The following KRT72 variants were observed in gnomAD, a reference collection of about 807,000 sequenced individuals.
KRT72 encodes keratin, type II cytoskeletal 72.
KRT72 carries 44 observed loss-of-function variants against 44.7 expected under a neutral mutation model. The observed-to-expected ratio is 0.98, with a 90% CI of 0.77 to 1.27. KRT72 has a LOEUF of 1.27. Among genes scored for constraint, KRT72 ranks in the 50% most tolerant of loss-of-function variants. KRT72 has a pLI of 0.00. For synonymous variants in KRT72, 302 were observed against 280.4 expected (o/e 1.08, Z -0.77); for missense variants, 736 against 667.1 (o/e 1.10, Z -1.14).
Position 52,601,350 on chromosome 12 carries a change from G to A in KRT72, c.103C>T (p.Arg35Trp), listed in dbSNP as rs756104077. Reference protein sequence around the residue: ...GGIGSSSASFRARVKGSASFG... With the variant: ...GGIGSSSASFWARVKGSASFG... ...GAGGCCGAGCCCTTGACCCGGGCCC[G>A]GAATGAGGCGGAGCTGCTGCCGATC... is the stretch of plus-strand genomic sequence containing the variant. The change falls in exon 1 of 9, where the codon CGG (arginine) becomes TGG (tryptophan). Residue 35 changes from arginine to tryptophan, a missense_variant. Coordinates refer to ENST00000293745, the MANE Select transcript of KRT72 (RefSeq NM_080747.3). 8 of 1,544,162 alleles carry A rather than the reference G, an allele frequency of 5.2e-6. No homozygotes were observed. Among genetic ancestry groups the A allele is most frequent in the South Asian group, 2.4e-5 (2 of 84,062 alleles).
chr12:52,591,679 C>CAAG, intron 4 of KRT72, 51 bp from the exon 5 acceptor site: 1 of 1,536,266 alleles, frequency 6.5e-7, no homozygotes, highest in Non-Finnish European at 8.9e-7. Flanking sequence ...CATGAGGAAC[C>CAAG]AGTTCTCTTG....
At chr12:52,591,377 C>CAA in intron 5 of KRT72, 87 bp downstream of exon 5, 3 of 1,354,540 alleles carry the variant, frequency 2.2e-6, no homozygotes, top group Non-Finnish European at 3.1e-6. Flanking sequence ...CACACACAAA[C>CAA]ACACGCACAC....
At chr12:52,591,763 C>A in intron 4 of KRT72, 135 bp from the exon 5 acceptor site, 1 of 820,574 alleles carries the variant, frequency 1.2e-6, no homozygotes, top group South Asian at 1.9e-5. Context: ...GCACCAGTGC[C>A]TGGCAGGCAC....
At position 52,591,535 on chromosome 12, in the gene KRT72, C is replaced by T. The variant is rs752607357; in HGVS notation, c.892G>A (p.Glu298Lys). The T allele has an allele frequency of 3.3e-5, 53 of 1,613,956 alleles. No individual in the cohort carries two copies. The highest frequency in any genetic ancestry group is 2.3e-4 in the Admixed American group (14 of 60,002). ...ATCTCCTCGTACTGGGCACGGACCT[C>T]GGCAATGATGCTGTCCAGGTCCAGA... ...RDLDLDSIIA[E>K]VRAQYEEIAL... Residue 298 changes from glutamate (E) to lysine (K), a missense_variant, in exon 5 of 9, where the codon GAG (glutamate) becomes AAG (lysine). By Grantham distance (56) the Glu-to-Lys change is moderately conservative. Coordinates refer to ENST00000293745, the MANE Select transcript of KRT72 (RefSeq NM_080747.3).
chr12:52,589,106 T>C (rs1252925900), intron 6 of KRT72, among the ~76,000 whole-genome samples: 1 of 152,148 alleles, frequency 6.6e-6, no homozygotes, highest in Non-Finnish European at 1.5e-5. Flanking sequence ...CCAGGGGGCT[T>C]CCTGAGCCCT....
Position 52,587,933 on chromosome 12 carries a change from C to T in KRT72, c.1090-82G>A, listed in dbSNP as rs973586178. On this transcript the variant is annotated intron_variant, in intron 6 of 8. Coordinates refer to ENST00000293745, the MANE Select transcript of KRT72 (RefSeq NM_080747.3). ...TTGGACAACCTCCCCTTGTTTTGTC[C>T]TGACTGATGGCAACTGCTTGGAGAT... 6.2e-5 allele frequency: 84 copies of T among 1,359,026 alleles called. No individual in the cohort carries two copies. The Middle Eastern group carries it at 2.0e-3, about 32-fold the overall frequency. 84.2% of individuals were successfully genotyped at this position (1,359,026 alleles called of 1,614,324 possible).
intron 7 of KRT72, 104 bp downstream of exon 7, chr12:52,587,519 CTGTATGGT>C: frequency 8.9e-7 from 1 of 1,127,318 alleles, no homozygotes; most frequent in Non-Finnish European, 1.3e-6. Context: ...AGCCCATTTG[CTGTATGGT>C]TTTACTTCAG....
rs749939528 is a variant in KRT72 at position 52,592,396 on chromosome 12, C to T, written c.798G>A (p.Gly266=). The T allele has an allele frequency of 2.5e-6, 4 of 1,601,492 alleles. No homozygotes were observed. Among genetic ancestry groups the T allele is most frequent in the Non-Finnish European group, 3.4e-6 (4 of 1,168,802 alleles). Residue 266 remains glycine (G), a splice_region_variant and synonymous_variant, in exon 4 of 9, where the codon GGG becomes GGA. Transcript: ENST00000293745. ...CAAGAGAGGTCAGCCAAGTCCTTAC[C>T]CCTTCATAAAGGCACTTGAAGAATT... The part of the protein sequence containing the change: ...EIKFFKCLYE[G]EITQIQSHIS...
chr12:52,587,506 A>G lies in KRT72; in HGVS notation c.1310+125T>C, dbSNP rs922737280. On this transcript the variant is annotated intron_variant, in intron 7 of 8. Coordinates refer to ENST00000293745, the MANE Select transcript of KRT72 (RefSeq NM_080747.3). ...TAACTTTGGCCTTCCTAATCATGTG[A>G]CAAGCCCATTTGCTGTATGGTTTTA... 13 of 1,024,242 alleles carry G rather than the reference A, an allele frequency of 1.3e-5. 1 individual carries two copies. Among genetic ancestry groups the G allele is most frequent in the African/African-American group, 1.1e-4 (7 of 63,474 alleles). 63.4% of individuals were successfully genotyped at this position (1,024,242 alleles called of 1,614,324 possible).
At chr12:52,593,008 T>G in intron 2 of KRT72, 56 bp from the exon 3 acceptor site, 3 of 1,492,944 alleles carry the variant, frequency 2.0e-6, no homozygotes, top group Non-Finnish European at 2.8e-6. Flanking sequence ...ACTGAACAGT[T>G]AGTGACCACC....
At chr12:52,590,768 T>G in intron 6 of KRT72, 68 bp downstream of exon 6, 1 of 1,455,742 alleles carries the variant, frequency 6.9e-7, no homozygotes, top group Non-Finnish European at 9.3e-7. Flanking sequence ...TACCCTTTCT[T>G]CATATTCTGT....
chr12:52,588,145 G>T (rs1939854564), intron 6 of KRT72, among the ~76,000 whole-genome samples: 1 of 152,226 alleles, frequency 6.6e-6, no homozygotes, highest in Non-Finnish European at 1.5e-5. Flanking sequence ...CTCCCTCCTG[G>T]CCTGAAATAT....
chr12:52,591,042 A>G, intron 5 of KRT72, 81 bp from the exon 6 acceptor site: 1 of 1,331,532 alleles, frequency 7.5e-7, no homozygotes, highest in Admixed American at 2.3e-5. Flanking sequence ...GACAGAAAGG[A>G]TCCTGCCCTA....
chr12:52,586,213 AG>A, intron 8 of KRT72, 41 bp from the exon 9 acceptor site: 1 of 1,569,348 alleles, frequency 6.4e-7, no homozygotes, highest in Non-Finnish European at 8.7e-7. Flanking sequence ...CGTCAGCTCT[AG>A]CCCCACGTCA....
chr12:52,593,179 C>T (rs1478111337), intron 2 of KRT72, among the ~76,000 whole-genome samples: 1 of 152,222 alleles, frequency 6.6e-6, no homozygotes, highest in Non-Finnish European at 1.5e-5. Context: ...CTACCTGCCT[C>T]AGAGAGCACC....
intron 1 of KRT72, among the ~76,000 whole-genome samples, chr12:52,600,137 C>T (rs140568209): frequency 6.6e-5 from 10 of 152,266 alleles, no homozygotes; most frequent in Middle Eastern, 3.4e-3. Flanking sequence ...CAGCACACAC[C>T]TGTAACTTTA....
intron 2 of KRT72, among the ~76,000 whole-genome samples, chr12:52,594,785 A>G (rs544115842): frequency 1.8e-4 from 28 of 152,352 alleles, no homozygotes; most frequent in Admixed American, 1.2e-3. Flanking sequence ...ATGGCTGAGC[A>G]GTGCAGGGTA....
chr12:52,585,815 C>G lies in KRT72; in HGVS notation c.*167G>C, dbSNP rs1176271752. ...CACTGAGAGAGCTCCTGACTGGACT[C>G]CTTGCATCGAAGCATCACACCTTGA... On this transcript the variant is annotated 3_prime_UTR_variant, in exon 9 of 9. Transcript: ENST00000293745. 1.5e-6 allele frequency: 1 copy of G among 661,174 alleles called. No homozygotes were observed. Among genetic ancestry groups the G allele is most frequent in the Non-Finnish European group, 2.6e-6 (1 of 378,024 alleles). 41.0% of individuals were successfully genotyped at this position (661,174 alleles called of 1,614,324 possible). A position where few individuals can be genotyped will look rare whatever the true frequency, so the allele number is the denominator to read the frequency against.
chr12:52,587,043 T>C, intron 7 of KRT72, 63 bp from the exon 8 acceptor site: 1 of 1,508,616 alleles, frequency 6.6e-7, no homozygotes, highest in Non-Finnish European at 9.2e-7. Flanking sequence ...CACCTGGAAG[T>C]CACCTCTGTG....
Sources: allele counts gnomAD v4.1 joint callset (sites outside exome capture counted in the v4.1 genomes callset), GRCh38; gene constraint gnomAD v4.1.1; transcripts MANE v1.5; gene names NCBI Gene and HGNC (gene_info 2026-07-23, HGNC 2026-07-21).